UBAC2: variants seen among roughly 807,000 people sequenced by gnomAD.
UBAC2 encodes the protein ubiquitin-associated domain-containing protein 2.
UBAC2 carries 26 observed loss-of-function variants against 44.0 expected under a neutral mutation model. The observed-to-expected ratio is 0.59, with a 90% confidence interval of 0.43 to 0.82. The LOEUF (loss-of-function observed/expected upper bound fraction) is 0.82. UBAC2 is among the 40% of genes least tolerant of loss of function. The pLI is 0.00. For synonymous variants in UBAC2, 155 were observed against 154.3 expected, an observed-to-expected ratio of 1.00 and a Z score of -0.04; for missense variants, 329 against 419.4, an observed-to-expected ratio of 0.78 and a Z score of 1.88.
intron 7 of UBAC2, among the ~76,000 whole-genome samples, chr13:99,348,116 T>C (rs1287359753): frequency 6.6e-6 from 1 of 152,198 alleles, no homozygotes; most frequent in Non-Finnish European, 1.5e-5. Context: ...GGCCATTACA[T>C]AACTTTTCAT....
At chr13:99,336,179 T>G (rs1290018994) in intron 6 of UBAC2, among the ~76,000 whole-genome samples, 1 of 152,188 alleles carries the variant, frequency 6.6e-6, no homozygotes. Flanking sequence ...TCATATGCTT[T>G]TAAAACTGGG....
intron 4 of UBAC2, among the ~76,000 whole-genome samples, chr13:99,297,825 C>T (rs1279986539): frequency 6.6e-6 from 1 of 151,402 alleles, no homozygotes; most frequent in African/African-American, 2.4e-5. Flanking sequence ...AAAAAAATTC[C>T]AGCTGTTTGC....
At position 99,206,582 on chromosome 13, in the gene UBAC2, C is replaced by G. The variant is rs73563985; in HGVS notation, c.31+5643C>G. ...CATATCCAGTCTGGAACCTGTAGTTCATTACTGGAGCCATGGTCTCATCCA... is the reference window on the plus strand; with the variant it reads ...CATATCCAGTCTGGAACCTGTAGTTGATTACTGGAGCCATGGTCTCATCCA... On this transcript the variant is annotated intron_variant, in intron 1 of 8. Coordinates refer to ENST00000403766, the MANE Select transcript of UBAC2 (RefSeq NM_001144072.2). Among the ~76,000 whole-genome samples the G allele has an allele frequency of 9.9e-3, 1,511 of 152,290 alleles. 29 individuals are homozygous for G. Among genetic ancestry groups the G allele is most frequent in the African/African-American group, 0.035 (1,463 of 41,534 alleles).
chr13:99,380,579 A>G (rs959957337), intron 8 of UBAC2, among the ~76,000 whole-genome samples: 3 of 152,090 alleles, frequency 2.0e-5, no homozygotes, highest in Non-Finnish European at 4.4e-5. Context: ...ACTGCACTGC[A>G]CCCCTCCACT....
At position 99,295,094 on chromosome 13, in the gene UBAC2, A is replaced by T. The variant is rs1274934937; in HGVS notation, c.390-19003A>T. 3 of 1,614,098 alleles carry T rather than the reference A, an allele frequency of 1.9e-6. No homozygotes were observed. Among genetic ancestry groups the T allele is most frequent in the South Asian group, 2.2e-5 (2 of 91,062 alleles). On this transcript the variant is annotated intron_variant, in intron 4 of 8. Coordinates refer to ENST00000403766, the MANE Select transcript of UBAC2 (RefSeq NM_001144072.2). The surrounding 1 kb of genome is among the most constrained non-coding windows in gnomAD (Gnocchi z 4.1). Reference sequence around the variant, plus strand: ...ATTTGAAGACTTGGAATGTATCATCATCTGCGTTTCTGTCATTTCACGTGA... The same window carrying T: ...ATTTGAAGACTTGGAATGTATCATCTTCTGCGTTTCTGTCATTTCACGTGA...
At chr13:99,351,672 T>C (rs765637210) in intron 7 of UBAC2, 7 of 456,658 alleles carry the variant, frequency 1.5e-5, no homozygotes, top group Middle Eastern at 3.2e-4. Context: ...GATAAAACTT[T>C]CCATTAGGCA....
intron 8 of UBAC2, among the ~76,000 whole-genome samples, chr13:99,380,203 G>T (rs997648338): frequency 5.3e-5 from 8 of 152,192 alleles, no homozygotes; most frequent in African/African-American, 1.4e-4. Context: ...GAGCATTTTC[G>T]ATTTTGAATT....
At chr13:99,251,869 C>T (rs2043462058) in intron 4 of UBAC2, among the ~76,000 whole-genome samples, 1 of 152,140 alleles carries the variant, frequency 6.6e-6, no homozygotes, top group Non-Finnish European at 1.5e-5. Context: ...AGGGTAGCAC[C>T]GAGAATTAAA....
chr13:99,212,482 G>C (rs566568920), intron 1 of UBAC2, among the ~76,000 whole-genome samples: 1 of 152,294 alleles, frequency 6.6e-6, no homozygotes, highest in South Asian at 2.1e-4. Context: ...GGAAGAGCAT[G>C]ACACTAATCT....
At chr13:99,234,517 C>A in intron 1 of UBAC2, 1 of 155,820 alleles carries the variant, frequency 6.4e-6, no homozygotes, top group South Asian at 1.7e-4. Context: ...CATGCATTAC[C>A]TCACTTCATT....
intron 1 of UBAC2, among the ~76,000 whole-genome samples, chr13:99,206,258 G>A (rs2042870845): frequency 1.3e-5 from 2 of 152,202 alleles, no homozygotes; most frequent in Admixed American, 1.3e-4. Flanking sequence ...TAGGTTGTGG[G>A]TGTGAGTGAG....
chr13:99,323,840 G>A (rs1467032969), intron 6 of UBAC2, among the ~76,000 whole-genome samples: 2 of 152,186 alleles, frequency 1.3e-5, no homozygotes, highest in African/African-American at 2.4e-5. Context: ...CAGGGAGGTA[G>A]CGACCAGTTG....
intron 1 of UBAC2, among the ~76,000 whole-genome samples, chr13:99,234,174 T>TC (rs1372568964): frequency 1.2e-4 from 4 of 33,718 alleles, no homozygotes. Flanking sequence ...GCCGTTTCTT[T>TC]TTTTTTTTTT....
intron 4 of UBAC2, among the ~76,000 whole-genome samples, chr13:99,303,279 T>C (rs1927728): frequency 0.25 from 38,047 of 152,232 alleles, 5,965 homozygotes; most frequent in Non-Finnish European, 0.35. Context: ...ATATGTGTCC[T>C]GAACCCAGTG....
chr13:99,267,262 T>A (rs2043755992), intron 4 of UBAC2, among the ~76,000 whole-genome samples: 1 of 152,236 alleles, frequency 6.6e-6, no homozygotes, highest in Non-Finnish European at 1.5e-5. Context: ...GTAATCTAGA[T>A]GTTAATCCCT....
chr13:99,372,915 C>G (rs1172935608), intron 8 of UBAC2, among the ~76,000 whole-genome samples: 1 of 152,048 alleles, frequency 6.6e-6, no homozygotes, highest in Non-Finnish European at 1.5e-5. Flanking sequence ...GAGATCGAGA[C>G]CATCCCGGCT....
intron 1 of UBAC2, among the ~76,000 whole-genome samples, chr13:99,220,208 T>C (rs2043039107): frequency 6.6e-6 from 1 of 152,198 alleles, no homozygotes; most frequent in South Asian, 2.1e-4. Flanking sequence ...AAAGAAATGG[T>C]TTCTTTATAG....
At chr13:99,380,384 C>T (rs1038753025) in intron 8 of UBAC2, among the ~76,000 whole-genome samples, 12 of 152,176 alleles carry the variant, frequency 7.9e-5, no homozygotes, top group African/African-American at 2.7e-4. Flanking sequence ...TGCTGGGCTT[C>T]TCTGAGCAGA....
At chr13:99,265,522 A>G (rs2043731015) in intron 4 of UBAC2, among the ~76,000 whole-genome samples, 1 of 152,234 alleles carries the variant, frequency 6.6e-6, no homozygotes, top group Admixed American at 6.5e-5. Flanking sequence ...AGTTTGAAGT[A>G]TCTGTGACAC....
Sources: gnomAD v4.1 joint callset for allele counts (sites outside exome capture counted in the v4.1 genomes callset) on GRCh38, gnomAD v4.1.1 for gene constraint, Gnocchi (gnomAD v3.1) non-coding constraint, MANE v1.5 for transcripts, NCBI Gene and HGNC (gene_info 2026-07-23, HGNC 2026-07-21) for gene names.